Variants in PCDHGA6 observed in about 807,000 individuals in gnomAD.
PCDHGA6 encodes protocadherin gamma subfamily A, 6, also known as protocadherin gamma-A6.
A neutral mutation model predicts 60.6 loss-of-function variants in PCDHGA6; 41 were observed. The ratio of observed to expected loss-of-function variants is 0.68; its 90% CI spans 0.53 to 0.88. The LOEUF (loss-of-function observed/expected upper bound fraction) is 0.88. PCDHGA6 is among the 40% of genes least tolerant of loss of function. The pLI is 0.00. For synonymous variants in PCDHGA6, 594 were observed against 524.4 expected (o/e 1.13, Z -1.81); for missense variants, 1,312 against 1,203.0 (o/e 1.09, Z -1.34).
At chr5:141,483,603 A>T (rs1277479077) in intron 1 of PCDHGA6, among the ~76,000 whole-genome samples, 1 of 152,054 alleles carries the variant, frequency 6.6e-6, no homozygotes, top group Non-Finnish European at 1.5e-5. Context: ...AGGCTGGTTT[A>T]CACCTCCATC....
rs1453835891 is a variant in PCDHGA6 at position 141,477,494 on chromosome 5, T to G, written c.2425-17313T>G. On this transcript the variant is annotated intron_variant, in intron 1 of 3. Coordinates refer to ENST00000517434, the MANE Select transcript of PCDHGA6 (RefSeq NM_018919.3). The surrounding 1 kb of genome is among the most constrained non-coding windows in gnomAD (Gnocchi z 4.9). ...TGACAACCCTCCACAATCTTCTCAA[T>G]CTTCCTACGACGTTTACATTGAAGA... 1 of 1,614,088 alleles carries G rather than the reference T, an allele frequency of 6.2e-7. No individual in the cohort carries two copies.
At chr5:141,427,960 G>C (rs759698390) in intron 1 of PCDHGA6, 7 of 1,589,168 alleles carry the variant, frequency 4.4e-6, no homozygotes, top group South Asian at 1.1e-5. Flanking sequence ...AATGTGCCGC[G>C]GGTGCTGTAC....
intron 1 of PCDHGA6, chr5:141,412,235 A>T (rs2095544372): frequency 6.6e-6 from 1 of 152,260 alleles, no homozygotes. Flanking sequence ...AAAAACCTAT[A>T]TCACTACATC....
intron 1 of PCDHGA6, chr5:141,412,671 A>T (rs1335241581): frequency 6.6e-6 from 1 of 152,290 alleles, no homozygotes; most frequent in Non-Finnish European, 1.5e-5. Flanking sequence ...AATATGACCT[A>T]AAATAAGTAT....
intron 1 of PCDHGA6, among the ~76,000 whole-genome samples, chr5:141,386,717 A>G (rs2090680763): frequency 6.6e-6 from 1 of 152,214 alleles, no homozygotes; most frequent in South Asian, 2.1e-4. Flanking sequence ...TGCTGACACC[A>G]ACAATGTTAC....
rs11953770 is a variant in PCDHGA6 at position 141,510,741 on chromosome 5, C to T, written c.2573-206C>T. On this transcript the variant is annotated intron_variant, in intron 3 of 3. Coordinates refer to ENST00000517434, the MANE Select transcript of PCDHGA6 (RefSeq NM_018919.3). ...TAAGGAAAGGAGCTAGGAATCAAACCTAGACTTTCTCACTCCAGAGCCTCT... is the reference window on the plus strand; with the variant it reads ...TAAGGAAAGGAGCTAGGAATCAAACTTAGACTTTCTCACTCCAGAGCCTCT... Among the ~76,000 whole-genome samples the T allele has an allele frequency of 2.6e-5, 4 of 152,138 alleles. No homozygotes were observed. In the South Asian group the frequency reaches 8.3e-4, roughly 32 times the overall value.
intron 1 of PCDHGA6, among the ~76,000 whole-genome samples, chr5:141,464,749 T>A (rs1026757405): frequency 6.6e-6 from 1 of 152,216 alleles, no homozygotes; most frequent in African/African-American, 2.4e-5. Context: ...ATCTTTTTGT[T>A]TTTTTAGAGA....
intron 1 of PCDHGA6, chr5:141,402,981 G>A (rs375892904): frequency 1.2e-6 from 2 of 1,608,410 alleles, no homozygotes; most frequent in Non-Finnish European, 1.7e-6. Flanking sequence ...TGCCAGCTCC[G>A]CGGAAGATTA....
Position 141,431,241 on chromosome 5 carries a change from A to T in PCDHGA6, c.2424+54734A>T. On this transcript the variant is annotated intron_variant, in intron 1 of 3. Coordinates refer to ENST00000517434, the MANE Select transcript of PCDHGA6 (RefSeq NM_018919.3). This position sits in a 1 kb window ranked among gnomAD's most constrained non-coding sequence, Gnocchi z 4.8. ...CCTCTACCCCACGCCTGGGATCCGG[A>T]TATCGGGAAGAACTCTCTGCAGAGC... The T allele has an allele frequency of 6.2e-7, 1 of 1,614,138 alleles. No individual in the cohort carries two copies. The highest frequency in any genetic ancestry group is 8.5e-7 in the Non-Finnish European group (1 of 1,180,046).
intron 1 of PCDHGA6, among the ~76,000 whole-genome samples, chr5:141,488,553 T>C (rs2099676887): frequency 6.6e-6 from 1 of 152,166 alleles, no homozygotes; most frequent in South Asian, 2.1e-4. Flanking sequence ...TCAGCTGACA[T>C]TGAGATTTCC....
At chr5:141,393,101 C>T (rs891971324) in intron 1 of PCDHGA6, 2 of 1,613,564 alleles carry the variant, frequency 1.2e-6, no homozygotes, top group Non-Finnish European at 1.7e-6. Flanking sequence ...AGGAGCTCTG[C>T]GCTCAGAGCC....
At chr5:141,420,359 A>G in intron 1 of PCDHGA6, 1 of 1,378,858 alleles carries the variant, frequency 7.3e-7, no homozygotes, top group Non-Finnish European at 9.6e-7. Flanking sequence ...TTAAGATTCT[A>G]GATAACTTCT....
rs770010951 is a variant in PCDHGA6 at position 141,408,783 on chromosome 5, T to A, written c.2424+32276T>A. On this transcript the variant is annotated intron_variant, in intron 1 of 3. Transcript: ENST00000517434. ...TCCGATGGTGGCAAATACCCAGAGT[T>A]ATCTCTGGAGAAACTCCTAGACCGG... 26 of 1,612,386 alleles carry A rather than the reference T, an allele frequency of 1.6e-5. No homozygotes were observed. The East Asian group carries it at 5.8e-4, about 36-fold the overall frequency.
chr5:141,419,072 G>C (rs17208397), intron 1 of PCDHGA6: 242,774 of 1,613,756 alleles, frequency 0.15, 19,855 homozygotes, highest in Non-Finnish European at 0.17. Context: ...CTACAAGCTA[G>C]TAACAGATGA....
chr5:141,474,685 T>G (rs1562045980), intron 1 of PCDHGA6, among the ~76,000 whole-genome samples: 1 of 152,224 alleles, frequency 6.6e-6, no homozygotes, highest in Non-Finnish European at 1.5e-5. Flanking sequence ...GCCTACCCCT[T>G]CACTTATGTT....
chr5:141,408,013 CCA>C, intron 1 of PCDHGA6: 1 of 989,288 alleles, frequency 1.0e-6, no homozygotes, highest in Non-Finnish European at 1.4e-6. Flanking sequence ...CCCTGCGCAG[CCA>C]ACAACAGAAA....
intron 1 of PCDHGA6, chr5:141,384,288 G>C: frequency 6.2e-7 from 1 of 1,613,784 alleles, no homozygotes; most frequent in South Asian, 1.1e-5. Flanking sequence ...ACATCGCTGA[G>C]AACAACCCCA....
chr5:141,504,496 G>C (rs2099838771), intron 2 of PCDHGA6, among the ~76,000 whole-genome samples: 1 of 152,100 alleles, frequency 6.6e-6, no homozygotes, highest in Non-Finnish European at 1.5e-5. Flanking sequence ...CACCTGCCCA[G>C]TCTGAGTGGA....
intron 1 of PCDHGA6, chr5:141,478,636 T>G: frequency 1.3e-6 from 2 of 1,552,744 alleles, no homozygotes; most frequent in South Asian, 2.4e-5. Flanking sequence ...TTTTTAGTGA[T>G]GAAGATGTTT....
Sources: allele counts gnomAD v4.1 joint callset (sites outside exome capture counted in the v4.1 genomes callset), GRCh38; gene constraint gnomAD v4.1.1; non-coding constraint Gnocchi (gnomAD v3.1); transcripts MANE v1.5; gene names NCBI Gene and HGNC (gene_info 2026-07-23, HGNC 2026-07-21).